CRHR1: variants seen among roughly 807,000 people sequenced by gnomAD.
CRHR1 encodes the protein corticotropin releasing hormone receptor 1.
A neutral mutation model predicts 56.0 loss-of-function variants in CRHR1; 28 were observed. The observed-to-expected ratio is 0.50, with a 90% confidence interval of 0.37 to 0.69. CRHR1 has a LOEUF of 0.69. Among genes scored for constraint, CRHR1 ranks in the 30% least tolerant of loss-of-function variants. The pLI, the probability that CRHR1 is intolerant of heterozygous loss-of-function variation, is 0.00. For synonymous variants in CRHR1, 195 were observed against 216.5 expected (o/e 0.90, Z 0.87); for missense variants, 376 against 548.0 (o/e 0.69, Z 3.13).
At chr17:45,824,820 T>C (rs2062122264) in intron 4 of CRHR1, among the ~76,000 whole-genome samples, 2 of 152,192 alleles carry the variant, frequency 1.3e-5, no homozygotes, top group Admixed American at 6.5e-5. Context: ...TGGCCTGTCT[T>C]GGCCTATGGG....
At chr17:45,826,568 C>G (rs977717450) in intron 4 of CRHR1, 3 of 152,286 alleles carry the variant, frequency 2.0e-5, no homozygotes, top group Non-Finnish European at 4.4e-5. Flanking sequence ...TGGAGGAAAG[C>G]CCTCTTGGGC....
At chr17:45,789,104 T>C (rs973331737) in intron 1 of CRHR1, among the ~76,000 whole-genome samples, 1 of 152,028 alleles carries the variant, frequency 6.6e-6, no homozygotes, top group African/African-American at 2.4e-5. Context: ...CTCCAGCGCT[T>C]TTGCCGTGTC....
At chr17:45,809,172 C>T (rs990133781) in intron 2 of CRHR1, among the ~76,000 whole-genome samples, 13 of 152,062 alleles carry the variant, frequency 8.5e-5, no homozygotes, top group Non-Finnish European at 5.9e-5. Context: ...GTGGGTTTGG[C>T]GGAAGGACCA....
chr17:45,817,156 ATCC>A (rs2061945536), intron 3 of CRHR1, among the ~76,000 whole-genome samples: 1 of 152,062 alleles, frequency 6.6e-6, no homozygotes, highest in Admixed American at 6.5e-5. Flanking sequence ...CGGATACTTG[ATCC>A]TCATGTAAAC....
intron 2 of CRHR1, among the ~76,000 whole-genome samples, chr17:45,807,573 C>G (rs1462212810): frequency 2.6e-5 from 4 of 152,198 alleles, no homozygotes; most frequent in Non-Finnish European, 4.4e-5. Flanking sequence ...GCACAATGTC[C>G]CTCTGAAGTA....
At chr17:45,807,665 G>A (rs1224364998) in intron 2 of CRHR1, among the ~76,000 whole-genome samples, 1 of 152,202 alleles carries the variant, frequency 6.6e-6, no homozygotes, top group Non-Finnish European at 1.5e-5. Context: ...TGGAGCACGG[G>A]CAGCCCAGCT....
At chr17:45,833,950 G>A in intron 11 of CRHR1, 57 bp from the exon 12 acceptor site, 3 of 1,613,302 alleles carry the variant, frequency 1.9e-6, no homozygotes, top group Non-Finnish European at 1.7e-6. Context: ...GGGCAGCCCA[G>A]AGGCTGGGTG....
intron 4 of CRHR1, among the ~76,000 whole-genome samples, chr17:45,824,507 C>G (rs2062115657): frequency 6.6e-6 from 1 of 152,180 alleles, no homozygotes; most frequent in African/African-American, 2.4e-5. Flanking sequence ...TTTTCCCCAG[C>G]ACCCTTCAAA....
chr17:45,785,479 G>A (rs1233277879), intron 1 of CRHR1, among the ~76,000 whole-genome samples: 1 of 152,316 alleles, frequency 6.6e-6, no homozygotes, highest in Admixed American at 6.5e-5. Context: ...GAGGCGGGTG[G>A]GCCTCTGCGC....
At position 45,784,625 on chromosome 17, in the gene CRHR1, G is replaced by T. The variant is rs1307690651; in HGVS notation, c.33+48G>T. On this transcript the variant is annotated intron_variant, in intron 1 of 12. Coordinates refer to ENST00000314537, the MANE Select transcript of CRHR1 (RefSeq NM_004382.5). The surrounding 1 kb of genome is among the most constrained non-coding windows in gnomAD (Gnocchi z 4.2). ...TCGAGCGCTGGCGCCCCCGGCCCCT[G>T]GCGGACGCGGGACGGGGCTGGGCTG... 1.3e-6 allele frequency: 2 copies of T among 1,525,876 alleles called. No homozygotes were observed. The highest frequency in any genetic ancestry group is 1.8e-6 in the Non-Finnish European group (2 of 1,135,010). The allele number at this position is 1,525,876 out of a possible 1,614,324, so 94.5% of individuals were successfully genotyped here. A position where few individuals can be genotyped will look rare whatever the true frequency, so the allele number is the denominator to read the frequency against.
intron 2 of CRHR1, among the ~76,000 whole-genome samples, chr17:45,813,217 G>GCTGCCTCCTCCCTGCCCTT (rs2061857198): frequency 6.6e-6 from 1 of 152,094 alleles, no homozygotes; most frequent in Admixed American, 6.5e-5. Flanking sequence ...GCCCTGTCCT[G>GCTGCCTCCTCCCTGCCCTT]CTGCCTCCTC....
At chr17:45,799,344 C>T (rs182649033) in intron 1 of CRHR1, 6 of 152,230 alleles carry the variant, frequency 3.9e-5, no homozygotes, top group African/African-American at 1.2e-4. Flanking sequence ...GGTACAGAGA[C>T]GTTTCTGAAG....
chr17:45,804,789 T>G (rs1046930575), intron 1 of CRHR1, among the ~76,000 whole-genome samples: 1 of 149,556 alleles, frequency 6.7e-6, no homozygotes, highest in African/African-American at 2.5e-5. Context: ...GTGAGGCATT[T>G]CCTCAAACCT....
chr17:45,817,496 C>T (rs1314763671), intron 3 of CRHR1, among the ~76,000 whole-genome samples: 4 of 152,254 alleles, frequency 2.6e-5, no homozygotes, highest in Non-Finnish European at 5.9e-5. Flanking sequence ...TGTTGCCCCT[C>T]ATCTGGCCCT....
chr17:45,819,914 A>G (rs1186618277), intron 3 of CRHR1, among the ~76,000 whole-genome samples: 1 of 152,164 alleles, frequency 6.6e-6, no homozygotes, highest in African/African-American at 2.4e-5. Context: ...TCTTGTCCTG[A>G]TGCTGCCAGC....
At chr17:45,823,627 CCAGGCTCCGGAGCA>C (rs2062094023) in intron 4 of CRHR1, among the ~76,000 whole-genome samples, 1 of 152,106 alleles carries the variant, frequency 6.6e-6, no homozygotes, top group African/African-American at 2.4e-5. Flanking sequence ...GCTTTGGAGC[CCAGGCTCCGGAGCA>C]CAGGCTCTGC....
At chr17:45,819,392 C>A (rs181984911) in intron 3 of CRHR1, among the ~76,000 whole-genome samples, 119 of 152,260 alleles carry the variant, frequency 7.8e-4, no homozygotes, top group Admixed American at 6.5e-3. Context: ...GGTCCAGGGG[C>A]CACGCTCTTA....
intron 10 of CRHR1, 21 bp from the exon 11 acceptor site, chr17:45,833,693 T>TGGGGGGGGGCCCCCC: frequency 3.8e-6 from 6 of 1,571,602 alleles, no homozygotes; most frequent in Non-Finnish European, 5.2e-6. Flanking sequence ...ACTCCGAGCC[T>TGGGGGGGGGCCCCCC]CCCCACCCGC....
At chr17:45,821,132 A>C (rs1275624893) in intron 3 of CRHR1, among the ~76,000 whole-genome samples, 2 of 152,262 alleles carry the variant, frequency 1.3e-5, no homozygotes, top group Non-Finnish European at 2.9e-5. Context: ...GAGTGGGCAG[A>C]GCCGGGGGAG....
Sources: gnomAD v4.1 joint callset for allele counts (sites outside exome capture counted in the v4.1 genomes callset) on GRCh38, gnomAD v4.1.1 for gene constraint, Gnocchi (gnomAD v3.1) non-coding constraint, MANE v1.5 for transcripts, NCBI Gene and HGNC (gene_info 2026-07-23, HGNC 2026-07-21) for gene names.